The following NEBL variants were observed in gnomAD, a reference collection of about 807,000 sequenced individuals.
NEBL encodes nebulette.
NEBL carries 122 observed loss-of-function variants against 140.2 expected under a neutral mutation model. The observed-to-expected ratio is 0.87, with a 90% confidence interval of 0.75 to 1.01. NEBL has a LOEUF of 1.01. NEBL is among the 50% of genes least tolerant of loss of function. The pLI, the probability that NEBL is intolerant of heterozygous loss-of-function variation, is 0.00. For missense variants in NEBL, 1,365 were observed against 1,231.3 expected (o/e 1.11, Z -1.62); for synonymous variants, 436 against 398.9 (o/e 1.09, Z -1.11).
At chr10:20,936,389 T>C (rs1244493039) in intron 4 of NEBL, among the ~76,000 whole-genome samples, 2 of 152,248 alleles carry the variant, frequency 1.3e-5, no homozygotes, top group Non-Finnish European at 2.9e-5. Context: ...CAGCTGTTTA[T>C]GCCTAACAGG....
chr10:20,926,405 CT>C (rs36108166), intron 4 of NEBL, among the ~76,000 whole-genome samples: 100,966 of 152,038 alleles, frequency 0.66, 33,742 homozygotes, highest in Admixed American at 0.68. Context: ...TGAAATTTTG[CT>C]TCTTTTATGA....
At chr10:20,986,264 G>A (rs577428875) in intron 3 of NEBL, among the ~76,000 whole-genome samples, 11 of 152,220 alleles carry the variant, frequency 7.2e-5, no homozygotes, top group African/African-American at 9.6e-5. Flanking sequence ...GGTTGGTTCC[G>A]CTGTTGCAAT....
intron 1 of NEBL, among the ~76,000 whole-genome samples, chr10:21,281,871 C>T (rs555858748): frequency 6.6e-6 from 1 of 152,358 alleles, no homozygotes; most frequent in Admixed American, 6.5e-5. Flanking sequence ...AGTCTTCTTA[C>T]TGTATCCATA....
In NEBL at chr10:21,095,483, A is replaced by G. The variant is rs567479726; in HGVS notation, c.165-75282T>C. 5.3e-5 allele frequency among the ~76,000 whole-genome samples: 8 copies of G among 152,340 alleles called. No homozygotes were observed. The South Asian group carries it at 1.7e-3, about 32-fold the overall frequency. ...TGAGTTAAGGGTGTTAAACGGTGCT[A>G]TTAGCATAACTGTACCTTTTAAAAC... On this transcript the variant is annotated intron_variant, in intron 2 of 6. Coordinates refer to the NEBL transcript ENST00000417816.
At chr10:21,023,475 C>T (rs1256675056) in intron 2 of NEBL, among the ~76,000 whole-genome samples, 1 of 152,088 alleles carries the variant, frequency 6.6e-6, no homozygotes, top group East Asian at 1.9e-4. Context: ...AGGTGGATCA[C>T]TTGAGGTCAG....
intron 4 of NEBL, among the ~76,000 whole-genome samples, chr10:20,949,736 G>A (rs1835365803): frequency 6.6e-6 from 1 of 151,532 alleles, no homozygotes; most frequent in Non-Finnish European, 1.5e-5. Flanking sequence ...TTCCTTTTGT[G>A]TTTTGTTTTT....
rs753197009 is a variant in NEBL, at chr10:20,808,509, C to A, written c.2761+1G>T. 1.9e-6 allele frequency: 3 copies of A among 1,613,702 alleles called. No individual in the cohort carries two copies. The highest frequency in any genetic ancestry group is 2.2e-5 in the East Asian group (1 of 44,834). On this transcript the variant is annotated splice_donor_variant, in intron 26 of 27. Transcript: ENST00000377122. LOFTEE classifies it high-confidence loss of function. ...CTTTGTAAGCAGTGAATGTTTGATACCTCCTTCATCAGACGGTCTTGTTAC... is the reference window on the plus strand; with the variant it reads ...CTTTGTAAGCAGTGAATGTTTGATAACTCCTTCATCAGACGGTCTTGTTAC...
chr10:21,149,491 A>G (rs1456179170), intron 2 of NEBL, among the ~76,000 whole-genome samples: 1 of 152,158 alleles, frequency 6.6e-6, no homozygotes, highest in Non-Finnish European at 1.5e-5. Flanking sequence ...GGGTTTCACC[A>G]TGTTGGCCAG....
intron 4 of NEBL, among the ~76,000 whole-genome samples, chr10:20,959,750 C>T (rs535259281): frequency 7.2e-5 from 11 of 151,848 alleles, no homozygotes; most frequent in African/African-American, 1.4e-4. Flanking sequence ...AAGACTGCTA[C>T]GGCTGCTAAC....
chr10:21,123,893 T>G (rs1207753271), intron 2 of NEBL, among the ~76,000 whole-genome samples: 1 of 151,786 alleles, frequency 6.6e-6, no homozygotes, highest in South Asian at 2.1e-4. Flanking sequence ...AAATTTTTCA[T>G]GTAAGTTCTT....
At chr10:21,266,085 C>G (rs1198682570) in intron 1 of NEBL, among the ~76,000 whole-genome samples, 1 of 152,120 alleles carries the variant, frequency 6.6e-6, no homozygotes, top group Non-Finnish European at 1.5e-5. Context: ...TGCTGCCCCC[C>G]ATATCTGATC....
upstream of NEBL, chr10:20,897,480 T>G (rs1301395594): frequency 8.4e-7 from 1 of 1,186,394 alleles, no homozygotes; most frequent in Non-Finnish European, 1.0e-6. Flanking sequence ...TCAACATTTT[T>G]TCCACTGGTT....
Position 21,123,607 on chromosome 10 carries a change from C to A in NEBL, c.164+48776G>T, listed in dbSNP as rs750901303. Reference sequence around the variant, plus strand: ...ATGCCTGGAACTCTTCTTCTCCCCACCTGGCTCCCCTGTATCCAAATTATC... The same window carrying A: ...ATGCCTGGAACTCTTCTTCTCCCCAACTGGCTCCCCTGTATCCAAATTATC... On this transcript the variant is annotated intron_variant, in intron 2 of 6. Transcript: ENST00000417816. 4.6e-5 allele frequency among the ~76,000 whole-genome samples: 7 copies of A among 152,026 alleles called. No homozygotes were observed. The East Asian group carries it at 1.2e-3, about 25-fold the overall frequency.
chr10:20,848,910 T>C lies in NEBL; in HGVS notation c.1116+1485A>G, dbSNP rs552657778. On this transcript the variant is annotated intron_variant, in intron 11 of 27. Coordinates refer to ENST00000377122, the MANE Select transcript of NEBL (RefSeq NM_006393.3). ...AACCATAGTAATATCTGAGTGCCTT[T>C]TTCCCAAGAATATGAATTATAACAT... Among the ~76,000 whole-genome samples the C allele has an allele frequency of 3.3e-5, 5 of 152,352 alleles. 1 individual carries two copies. The South Asian group carries it at 1.0e-3, about 32-fold the overall frequency.
chr10:21,077,188 A>T (rs1192117248), intron 2 of NEBL, among the ~76,000 whole-genome samples: 1 of 152,158 alleles, frequency 6.6e-6, no homozygotes, highest in Non-Finnish European at 1.5e-5. Flanking sequence ...TATTCTGAAC[A>T]GTACTTAAAA....
intron 18 of NEBL, among the ~76,000 whole-genome samples, chr10:20,826,150 A>T (rs578208062): frequency 6.6e-6 from 1 of 152,306 alleles, no homozygotes; most frequent in South Asian, 2.1e-4. Flanking sequence ...TTTCTCTGCA[A>T]AATTTAATAG....
intron 13 of NEBL, among the ~76,000 whole-genome samples, chr10:20,837,422 G>C (rs143189381): frequency 6.8e-4 from 103 of 152,098 alleles, no homozygotes; most frequent in African/African-American, 2.4e-3. Context: ...CCTCATTTCT[G>C]TGAAGGCTGA....
At chr10:21,287,458 C>T (rs1843072457) in intron 1 of NEBL, among the ~76,000 whole-genome samples, 1 of 152,086 alleles carries the variant, frequency 6.6e-6, no homozygotes, top group East Asian at 1.9e-4. Flanking sequence ...ATAGCCTAAG[C>T]CAGGGAGGTG....
At chr10:21,251,486 C>G (rs1371139831) in intron 2 of NEBL, among the ~76,000 whole-genome samples, 1 of 152,032 alleles carries the variant, frequency 6.6e-6, no homozygotes, top group Non-Finnish European at 1.5e-5. Flanking sequence ...GGTGTTCTCC[C>G]AAAATTCCAC....
Sources: allele counts gnomAD v4.1 joint callset (sites outside exome capture counted in the v4.1 genomes callset), GRCh38; gene constraint gnomAD v4.1.1; transcripts MANE v1.5; gene names NCBI Gene and HGNC (gene_info 2026-07-23, HGNC 2026-07-21).